The following ASTN2 variants were observed in gnomAD, a reference collection of about 807,000 sequenced individuals.
ASTN2 encodes the protein astrotactin 2.
A neutral mutation model predicts 139.8 loss-of-function variants in ASTN2; 54 were observed. That is an observed-to-expected ratio of 0.39 (90% confidence interval 0.31 to 0.48). The LOEUF (loss-of-function observed/expected upper bound fraction) is 0.48. ASTN2 is among the 20% of genes least tolerant of loss of function. ASTN2 has a pLI of 0.95. For missense variants in ASTN2, 1,565 were observed against 1,725.1 expected, an observed-to-expected ratio of 0.91 and a Z score of 1.64; for synonymous variants, 756 against 719.5, an observed-to-expected ratio of 1.05 and a Z score of -0.81.
intron 1 of ASTN2, among the ~76,000 whole-genome samples, chr9:117,384,700 T>C (rs1188145151): frequency 6.6e-6 from 1 of 152,322 alleles, no homozygotes; most frequent in East Asian, 1.9e-4. Flanking sequence ...TCTGATCTCA[T>C]CTGCTAAGAC....
At chr9:117,178,858 G>A (rs1382926661) in intron 3 of ASTN2, among the ~76,000 whole-genome samples, 1 of 152,186 alleles carries the variant, frequency 6.6e-6, no homozygotes, top group Non-Finnish European at 1.5e-5. Context: ...CTGCAGCCAG[G>A]GTGTTCCTGG....
chr9:116,869,489 T>C (rs1236435115), intron 10 of ASTN2, among the ~76,000 whole-genome samples: 1 of 152,186 alleles, frequency 6.6e-6, no homozygotes, highest in Non-Finnish European at 1.5e-5. Flanking sequence ...ACTTCATGTT[T>C]CATTGTGGTC....
At chr9:117,172,563 A>G (rs1830819927) in intron 3 of ASTN2, among the ~76,000 whole-genome samples, 1 of 152,142 alleles carries the variant, frequency 6.6e-6, no homozygotes, top group African/African-American at 2.4e-5. Context: ...CACTTGAGGT[A>G]ATATAGAGAG....
In ASTN2 at chr9:117,214,612, T is replaced by C; in HGVS notation, c.761A>G (p.Tyr254Cys). 1.3e-6 allele frequency: 2 copies of C among 1,595,294 alleles called. No homozygotes were observed. Among genetic ancestry groups the C allele is most frequent in the Non-Finnish European group, 8.6e-7 (1 of 1,165,298 alleles). ...GGGACCCAGCAGCACAGATGGGATGTAGTGGATCTCATGAGTGGCTTCTGT... is the reference window on the plus strand; with the variant it reads ...GGGACCCAGCAGCACAGATGGGATGCAGTGGATCTCATGAGTGGCTTCTGT... ...ASTEATHEIH[Y>C]IPSVLLGPQA... The change falls in exon 3 of 23, where the codon TAC becomes TGC. Residue 254 changes from tyrosine (Y) to cysteine (C), a missense_variant. Around this residue, in one of 4 missense-constraint regions of ASTN2, gnomAD observed 596 missense variants for 576.8 expected, o/e 1.03. Coordinates refer to ENST00000313400, the MANE Select transcript of ASTN2 (RefSeq NM_001365068.1).
chr9:116,851,046 T>G (rs1362882371), intron 11 of ASTN2, among the ~76,000 whole-genome samples: 1 of 152,208 alleles, frequency 6.6e-6, no homozygotes, highest in East Asian at 1.9e-4. Flanking sequence ...ACAGCAGTAC[T>G]TAGTTGTTGA....
chr9:116,606,092 T>C (rs1165135287), intron 19 of ASTN2, among the ~76,000 whole-genome samples: 1 of 152,158 alleles, frequency 6.6e-6, no homozygotes, highest in Admixed American at 6.5e-5. Context: ...CCATGCCAAT[T>C]GTTCTGATGA....
At chr9:117,033,100 G>A (rs1838291046) in intron 6 of ASTN2, among the ~76,000 whole-genome samples, 1 of 152,156 alleles carries the variant, frequency 6.6e-6, no homozygotes, top group African/African-American at 2.4e-5. Flanking sequence ...AAGAATTGGT[G>A]ACACTCTGTG....
chr9:116,652,451 T>C (rs1320401173), intron 16 of ASTN2, among the ~76,000 whole-genome samples: 1 of 152,204 alleles, frequency 6.6e-6, no homozygotes, highest in African/African-American at 2.4e-5. Flanking sequence ...AACCAAAAAT[T>C]CCTTTCAGTC....
chr9:116,814,055 G>T (rs1010928613), intron 12 of ASTN2, among the ~76,000 whole-genome samples: 2 of 136,808 alleles, frequency 1.5e-5, no homozygotes, highest in East Asian at 4.3e-4. Context: ...AAAAAAAAAA[G>T]AGAGAGAGAG....
intron 17 of ASTN2, among the ~76,000 whole-genome samples, chr9:116,638,069 C>T (rs1313155657): frequency 6.6e-6 from 1 of 152,138 alleles, no homozygotes; most frequent in Admixed American, 6.5e-5. Context: ...AGAAAAGAAT[C>T]AAGTAATACA....
intron 3 of ASTN2, among the ~76,000 whole-genome samples, chr9:117,162,841 C>A (rs1830583566): frequency 2.0e-5 from 3 of 151,888 alleles, no homozygotes; most frequent in African/African-American, 4.8e-5. Flanking sequence ...TAGAGAGAAG[C>A]CAGAGAAATT....
intron 13 of ASTN2, among the ~76,000 whole-genome samples, chr9:116,742,358 G>A (rs936528534): frequency 1.3e-5 from 2 of 152,182 alleles, no homozygotes; most frequent in African/African-American, 4.8e-5. Flanking sequence ...AAAGGAAATA[G>A]TACACTCTTC....
chr9:117,381,000 T>A (rs555028749), intron 1 of ASTN2, among the ~76,000 whole-genome samples: 1 of 152,246 alleles, frequency 6.6e-6, no homozygotes, highest in East Asian at 1.9e-4. Flanking sequence ...GTGGAAGCAA[T>A]CCAAATGTCC....
At position 116,425,833 on chromosome 9, in the gene ASTN2, G is replaced by A. The variant is rs374104788; in HGVS notation, c.*18C>T. ...TCCCATGGAGAGTCTCTGTGCTCACGGAGGGCAATACCCTCCCTCACCGGC... is the reference window on the plus strand; with the variant it reads ...TCCCATGGAGAGTCTCTGTGCTCACAGAGGGCAATACCCTCCCTCACCGGC... On this transcript the variant is annotated 3_prime_UTR_variant, in exon 23 of 23. Transcript: ENST00000313400. 13 of 1,609,654 alleles carry A rather than the reference G, an allele frequency of 8.1e-6. No homozygotes were observed. Among genetic ancestry groups the A allele is most frequent in the Middle Eastern group, 1.7e-4 (1 of 6,060 alleles).
intron 19 of ASTN2, among the ~76,000 whole-genome samples, chr9:116,589,128 C>A (rs1854276014): frequency 6.6e-6 from 1 of 152,108 alleles, no homozygotes; most frequent in South Asian, 2.1e-4. Context: ...GGGGTGTGGT[C>A]ACAGGGAACC....
chr9:117,183,583 A>G (rs1176597981), intron 3 of ASTN2, among the ~76,000 whole-genome samples: 1 of 152,228 alleles, frequency 6.6e-6, no homozygotes, highest in Non-Finnish European at 1.5e-5. Context: ...AAGGTTATAC[A>G]TAGCTAGTAA....
intron 2 of ASTN2, among the ~76,000 whole-genome samples, chr9:117,232,203 G>GTATT (rs1832913858): frequency 1.3e-5 from 2 of 152,150 alleles, no homozygotes; most frequent in Admixed American, 1.3e-4. Flanking sequence ...TCCCATGAGT[G>GTATT]TATTGTCTTG....
chr9:116,815,114 T>C (rs1831273961), intron 12 of ASTN2, among the ~76,000 whole-genome samples: 1 of 152,138 alleles, frequency 6.6e-6, no homozygotes, highest in Non-Finnish European at 1.5e-5. Context: ...AATTCCCCCA[T>C]CTCCCACCAA....
At chr9:117,220,961 G>T (rs945178894) in intron 2 of ASTN2, among the ~76,000 whole-genome samples, 4 of 152,114 alleles carry the variant, frequency 2.6e-5, no homozygotes, top group Admixed American at 6.5e-5. Context: ...CCAATCATCT[G>T]TTTGACCATT....
Sources: gnomAD v4.1 joint callset for allele counts (sites outside exome capture counted in the v4.1 genomes callset) on GRCh38, gnomAD v4.1.1 for gene constraint, gnomAD v4.1.1 regional missense constraint, MANE v1.5 for transcripts, NCBI Gene and HGNC (gene_info 2026-07-23, HGNC 2026-07-21) for gene names.